The following ASCC3 variants were observed in gnomAD, a reference collection of about 807,000 sequenced individuals.
The protein encoded by ASCC3 is ASC-1 complex subunit P200.
In ASCC3, 158 loss-of-function variants were observed where a neutral mutation model predicts 256.3. The observed-to-expected ratio is 0.62, with a 90% CI of 0.54 to 0.70. ASCC3 has a LOEUF of 0.70. ASCC3 is among the 30% of genes least tolerant of loss of function. The pLI, the probability that ASCC3 is intolerant of heterozygous loss-of-function variation, is 0.00. For synonymous variants in ASCC3, 948 were observed against 883.4 expected (o/e 1.07, Z -1.30); for missense variants, 2,259 against 2,626.0 (o/e 0.86, Z 3.05).
At chr6:100,629,226 A>G in intron 26 of ASCC3, 45 bp from the exon 27 acceptor site, 2 of 1,582,690 alleles carry the variant, frequency 1.3e-6, no homozygotes, top group Non-Finnish European at 1.7e-6. Context: ...TTCAGGTAAC[A>G]AATGACCTTG....
rs1562203023 is a variant in ASCC3, at chr6:100,655,810, C to A, written c.2712G>T (p.Leu904=). The change falls in exon 17 of 42, where the codon CTG becomes CTT. Residue 904 remains leucine (L), a synonymous_variant. Coordinates refer to ENST00000369162, the MANE Select transcript of ASCC3 (RefSeq NM_006828.4). ...LADNLNAEIA[L]GTVTNVEEAV... ...CTTCTTCCACATTAGTAACTGTTCC[C>A]AGAGCAATCTGCAAATCAAAAAGAT... 2.5e-5 allele frequency: 40 copies of A among 1,610,982 alleles called. No homozygotes were observed. The highest frequency in any genetic ancestry group is 3.2e-5 in the Non-Finnish European group (38 of 1,178,856).
intron 37 of ASCC3, among the ~76,000 whole-genome samples, chr6:100,524,177 G>A (rs2114627764): frequency 6.6e-6 from 1 of 152,178 alleles, no homozygotes; most frequent in African/African-American, 2.4e-5. Flanking sequence ...TATTACGTGT[G>A]CTGATTTCTG....
At chr6:100,742,207 CTA>C (rs1161752443) in intron 10 of ASCC3, among the ~76,000 whole-genome samples, 1 of 152,162 alleles carries the variant, frequency 6.6e-6, no homozygotes, top group African/African-American at 2.4e-5. Flanking sequence ...GCAGTGAAGA[CTA>C]TGAAACAGCA....
chr6:100,601,240 A>G (rs1328644098), intron 34 of ASCC3, among the ~76,000 whole-genome samples: 1 of 152,100 alleles, frequency 6.6e-6, no homozygotes, highest in Non-Finnish European at 1.5e-5. Context: ...AACGACTTAT[A>G]TGGTTTTTCC....
intron 36 of ASCC3, among the ~76,000 whole-genome samples, chr6:100,571,206 C>T (rs925371538): frequency 3.3e-5 from 5 of 152,152 alleles, no homozygotes; most frequent in African/African-American, 9.7e-5. Context: ...CCAAGCAGCT[C>T]CTGCTTCCTT....
chr6:100,802,221 A>G (rs915889587), intron 5 of ASCC3, among the ~76,000 whole-genome samples: 9 of 152,024 alleles, frequency 5.9e-5, no homozygotes, highest in Non-Finnish European at 8.8e-5. Flanking sequence ...AACTGTAGAA[A>G]CTGACATGCA....
intron 37 of ASCC3, among the ~76,000 whole-genome samples, chr6:100,518,937 G>A (rs1226190579): frequency 6.6e-6 from 1 of 152,116 alleles, no homozygotes; most frequent in East Asian, 1.9e-4. Context: ...TTTGGGAAAT[G>A]AGGATATGAA....
chr6:100,851,740 A>G (rs561107079), intron 3 of ASCC3, among the ~76,000 whole-genome samples: 129 of 152,306 alleles, frequency 8.5e-4, no homozygotes, highest in Admixed American at 2.1e-3. Flanking sequence ...CAGTTTTTCA[A>G]CAGAGAATCT....
intron 13 of ASCC3, among the ~76,000 whole-genome samples, chr6:100,694,248 C>T (rs1212978875): frequency 1.3e-5 from 2 of 151,272 alleles, no homozygotes; most frequent in African/African-American, 4.9e-5. Flanking sequence ...TGGAGGGTCA[C>T]TTGAGGTCAG....
chr6:100,685,957 T>C (rs1464807446), intron 13 of ASCC3, among the ~76,000 whole-genome samples: 1 of 152,168 alleles, frequency 6.6e-6, no homozygotes, highest in African/African-American at 2.4e-5. Context: ...CTTCTAGTAC[T>C]TCCTCTATCA....
At position 100,766,770 on chromosome 6, in the gene ASCC3, G is replaced by T. The variant is rs1781678173; in HGVS notation, c.1597-65C>A. 6.4e-6 allele frequency: 10 copies of T among 1,570,260 alleles called. No individual in the cohort carries two copies. The South Asian group carries it at 1.0e-4, about 16-fold the overall frequency. On this transcript the variant is annotated intron_variant, in intron 9 of 41. Transcript: ENST00000369162. ...CTACCATGTCATTTGTCTTACAGTAGCCAATACAAGTCACAATTTATTGTG... is the reference window on the plus strand; with the variant it reads ...CTACCATGTCATTTGTCTTACAGTATCCAATACAAGTCACAATTTATTGTG...
chr6:100,847,171 C>T (rs973436082), intron 4 of ASCC3, among the ~76,000 whole-genome samples: 19 of 152,018 alleles, frequency 1.2e-4, no homozygotes, highest in African/African-American at 4.3e-4. Flanking sequence ...ATAAAATATC[C>T]ATTAATTAGA....
intron 4 of ASCC3, among the ~76,000 whole-genome samples, chr6:100,832,928 A>G (rs1341422167): frequency 2.0e-5 from 3 of 152,166 alleles, no homozygotes; most frequent in Non-Finnish European, 1.5e-5. Context: ...TGGAAATGAG[A>G]AAAGTGTTCA....
At chr6:100,621,089 C>T (rs1420039711) in intron 30 of ASCC3, among the ~76,000 whole-genome samples, 1 of 152,038 alleles carries the variant, frequency 6.6e-6, no homozygotes, top group Non-Finnish European at 1.5e-5. Flanking sequence ...ACCCAAATGC[C>T]CATCAGTGAT....
At chr6:100,521,639 T>C (rs1182970044) in intron 37 of ASCC3, among the ~76,000 whole-genome samples, 3 of 152,186 alleles carry the variant, frequency 2.0e-5, no homozygotes, top group Middle Eastern at 3.2e-3. Flanking sequence ...AAGGGGGTAC[T>C]GTTGTACAAG....
At chr6:100,559,342 T>C (rs990686894) in intron 36 of ASCC3, among the ~76,000 whole-genome samples, 3 of 152,050 alleles carry the variant, frequency 2.0e-5, no homozygotes, top group Non-Finnish European at 4.4e-5. Context: ...CCTTCTGTTT[T>C]CTCAAAACAA....
chr6:100,673,762 T>A (rs1446591703), intron 14 of ASCC3, among the ~76,000 whole-genome samples: 1 of 152,146 alleles, frequency 6.6e-6, no homozygotes, highest in African/African-American at 2.4e-5. Flanking sequence ...TCTTCAACAA[T>A]CTTCAATAGC....
Position 100,509,671 on chromosome 6 carries a change from C to A in ASCC3, c.6462-138G>T, listed in dbSNP as rs567489852. ...ATCCCAGCACTTTGGGAGGCCGAGG[C>A]GGGCGGATCACGAGGTCAGGAGATG... On this transcript the variant is annotated intron_variant, in intron 41 of 41. Coordinates refer to ENST00000369162, the MANE Select transcript of ASCC3 (RefSeq NM_006828.4). 13 of 901,380 alleles carry A rather than the reference C, an allele frequency of 1.4e-5. No homozygotes were observed. The African/African-American group carries it at 2.2e-4, about 15-fold the overall frequency. The allele number at this position is 901,380 out of a possible 1,614,324, so 55.8% of individuals were successfully genotyped here.
In ASCC3 at chr6:100,682,997, C is replaced by T. The variant is rs565444630; in HGVS notation, c.2152-3245G>A. ...TTAACAACTACTGAAATGATCACAGCGTTATTGTGTGAAATTGGTTAATAA... is the reference window on the plus strand; with the variant it reads ...TTAACAACTACTGAAATGATCACAGTGTTATTGTGTGAAATTGGTTAATAA... On this transcript the variant is annotated intron_variant, in intron 13 of 41. Coordinates refer to ENST00000369162, the MANE Select transcript of ASCC3 (RefSeq NM_006828.4). Among the ~76,000 whole-genome samples the T allele has an allele frequency of 6.6e-5, 10 of 152,138 alleles. No individual in the cohort carries two copies. The South Asian group carries it at 1.5e-3, about 22-fold the overall frequency.
Sources: gnomAD v4.1 joint callset for allele counts (sites outside exome capture counted in the v4.1 genomes callset) on GRCh38, gnomAD v4.1.1 for gene constraint, MANE v1.5 for transcripts, NCBI Gene and HGNC (gene_info 2026-07-23, HGNC 2026-07-21) for gene names.